The following MINDY3 variants were observed in gnomAD, a reference collection of about 807,000 sequenced individuals.
MINDY3 encodes MINDY lysine 48 deubiquitinase 3, also known as ubiquitin carboxyl-terminal hydrolase MINDY-3.
Under a neutral mutation model 69.2 loss-of-function variants are expected in MINDY3, and 38 were observed. The ratio of observed to expected loss-of-function variants is 0.55; its 90% CI spans 0.42 to 0.72. The LOEUF (loss-of-function observed/expected upper bound fraction) is 0.72. Among genes scored for constraint, MINDY3 ranks in the 30% least tolerant of loss-of-function variants. The probability of loss-of-function intolerance (pLI) is 0.00; values close to 1 mark genes in which losing one functional copy is unlikely to be tolerated. For missense variants in MINDY3, 522 were observed against 519.0 expected (o/e 1.01, Z -0.06); for synonymous variants, 192 against 180.1 (o/e 1.07, Z -0.53).
At chr10:15,842,170 T>C (rs1204917466) in intron 3 of MINDY3, among the ~76,000 whole-genome samples, 3 of 151,658 alleles carry the variant, frequency 2.0e-5, no homozygotes, top group Non-Finnish European at 1.5e-5. Context: ...GCTCAGACCA[T>C]CTCTTTATGA....
intron 13 of MINDY3, among the ~76,000 whole-genome samples, chr10:15,783,574 G>A (rs928388462): frequency 6.6e-6 from 1 of 152,002 alleles, no homozygotes; most frequent in Non-Finnish European, 1.5e-5. Context: ...TTACTACACT[G>A]GAACTTAACC....
At chr10:15,786,686 GAA>G (rs372473285) in intron 12 of MINDY3, 38 bp from the exon 13 acceptor site, 5 of 1,094,246 alleles carry the variant, frequency 4.6e-6, no homozygotes, top group Middle Eastern at 2.1e-4. Context: ...GATACCAGAG[GAA>G]AAAAAAAAGC....
chr10:15,841,094 A>C (rs1341158985), intron 4 of MINDY3, among the ~76,000 whole-genome samples: 2 of 151,564 alleles, frequency 1.3e-5, no homozygotes, highest in Non-Finnish European at 3.0e-5. Flanking sequence ...TGCAATACCA[A>C]AGCAAAACAT....
At chr10:15,794,060 G>A (rs1837624869) in intron 11 of MINDY3, among the ~76,000 whole-genome samples, 2 of 152,048 alleles carry the variant, frequency 1.3e-5, no homozygotes, top group Non-Finnish European at 2.9e-5. Flanking sequence ...AGAGAGCTGG[G>A]TTTATCAACC....
intron 1 of MINDY3, among the ~76,000 whole-genome samples, chr10:15,855,545 A>G (rs1360980546): frequency 6.6e-6 from 1 of 152,146 alleles, no homozygotes; most frequent in Non-Finnish European, 1.5e-5. Flanking sequence ...ACAGTACTAC[A>G]GATCACAGAA....
chr10:15,798,710 G>A (rs896500221), intron 10 of MINDY3, among the ~76,000 whole-genome samples: 3 of 152,120 alleles, frequency 2.0e-5, no homozygotes, highest in Admixed American at 6.5e-5. Flanking sequence ...AACCTGTGAG[G>A]CGGAGGTTGC....
chr10:15,816,651 A>T (rs950180147), intron 10 of MINDY3, among the ~76,000 whole-genome samples, 184 bp downstream of exon 10: 3 of 152,216 alleles, frequency 2.0e-5, no homozygotes, highest in Non-Finnish European at 2.9e-5. Context: ...GATTTTGATT[A>T]AAAGATTCCA....
At position 15,860,242 on chromosome 10, in the gene MINDY3, C is replaced by G. The variant is rs1835001075; in HGVS notation, c.58G>C (p.Gly20Arg). The G allele has an allele frequency of 6.2e-7, 1 of 1,610,810 alleles. No homozygotes were observed. Among genetic ancestry groups the G allele is most frequent in the Non-Finnish European group, 8.5e-7 (1 of 1,178,704 alleles). The change falls in exon 1 of 15, where the codon GGT becomes CGT. Residue 20 changes from glycine to arginine, a missense_variant. By Grantham distance (125) the Gly-to-Arg change is moderately radical (BLOSUM62 -2). Transcript: ENST00000277632. Reference sequence around the variant, plus strand: ...CGGCAGAAAATGGTGTCCGAGAGACCGGGGCTGCTCTTGGTGCCCCACACC... The same window carrying G: ...CGGCAGAAAATGGTGTCCGAGAGACGGGGGCTGCTCTTGGTGCCCCACACC... ...ELVWGTKSSP[G>R]LSDTIFCRWT...
At chr10:15,831,985 C>T (rs1214817458) in intron 8 of MINDY3, among the ~76,000 whole-genome samples, 1 of 152,024 alleles carries the variant, frequency 6.6e-6, no homozygotes, top group Non-Finnish European at 1.5e-5. Flanking sequence ...CATGGAGCCT[C>T]CTATTCTTGA....
At chr10:15,829,939 C>T (rs1339588672) in intron 8 of MINDY3, among the ~76,000 whole-genome samples, 1 of 152,304 alleles carries the variant, frequency 6.6e-6, no homozygotes, top group East Asian at 1.9e-4. Context: ...GCCATCGCCA[C>T]ACCCGAGGCC....
At chr10:15,838,816 G>C (rs1441204517) in intron 4 of MINDY3, among the ~76,000 whole-genome samples, 1 of 151,684 alleles carries the variant, frequency 6.6e-6, no homozygotes, top group Admixed American at 6.6e-5. Flanking sequence ...AACTTATTTA[G>C]ATTATGTTTA....
chr10:15,837,535 C>T, intron 5 of MINDY3: 6 of 1,437,130 alleles, frequency 4.2e-6, no homozygotes, highest in Middle Eastern at 1.8e-4. Flanking sequence ...TAAGAAAGAA[C>T]ACCTACTTGG....
intron 10 of MINDY3, among the ~76,000 whole-genome samples, chr10:15,801,656 T>C (rs1290006714): frequency 2.0e-5 from 3 of 152,078 alleles, no homozygotes; most frequent in African/African-American, 4.8e-5. Context: ...AAAGATGATA[T>C]GGTTATTGCT....
Position 15,843,191 on chromosome 10 carries a change from TTTAA to T in MINDY3, c.235+17_235+20del. 1.9e-6 allele frequency: 3 copies of T among 1,604,270 alleles called. No individual in the cohort carries two copies. Among genetic ancestry groups the T allele is most frequent in the Non-Finnish European group, 2.6e-6 (3 of 1,172,420 alleles). ...TTAAAACAGAGGAGGAAGCAAAAGT[TTTAA>T]AAGACAGCTATCATACCTGAACAAT... On this transcript the variant is annotated intron_variant, in intron 3 of 14. Transcript: ENST00000277632.
chr10:15,845,159 C>A (rs1450070627), intron 2 of MINDY3, among the ~76,000 whole-genome samples: 1 of 152,130 alleles, frequency 6.6e-6, no homozygotes, highest in Non-Finnish European at 1.5e-5. Context: ...ATATATGGTA[C>A]AAAATTATCT....
intron 11 of MINDY3, among the ~76,000 whole-genome samples, chr10:15,793,448 A>G (rs1006857666): frequency 6.6e-6 from 1 of 152,154 alleles, no homozygotes; most frequent in African/African-American, 2.4e-5. Flanking sequence ...TGATATCAAA[A>G]TAAGTACTGG....
chr10:15,842,769 A>G (rs1833563204), intron 3 of MINDY3, among the ~76,000 whole-genome samples: 1 of 151,900 alleles, frequency 6.6e-6, no homozygotes, highest in Non-Finnish European at 1.5e-5. Context: ...AGCTCATGTT[A>G]CAGAAGCTAT....
intron 11 of MINDY3, among the ~76,000 whole-genome samples, chr10:15,792,719 T>TAAAAG (rs1837513376): frequency 6.6e-6 from 1 of 152,062 alleles, no homozygotes; most frequent in Admixed American, 6.6e-5. Context: ...GCTTCAGATT[T>TAAAAG]AAAAGAAATG....
At chr10:15,833,340 T>C (rs894576397) in intron 8 of MINDY3, among the ~76,000 whole-genome samples, 2 of 152,202 alleles carry the variant, frequency 1.3e-5, no homozygotes, top group Non-Finnish European at 2.9e-5. Context: ...ATATGCACTG[T>C]GTTTATACAT....
Sources: allele counts gnomAD v4.1 joint callset (sites outside exome capture counted in the v4.1 genomes callset), GRCh38; gene constraint gnomAD v4.1.1; transcripts MANE v1.5; gene names NCBI Gene and HGNC (gene_info 2026-07-23, HGNC 2026-07-21).